KIAA1671: variants seen among roughly 807,000 people sequenced by gnomAD.
KIAA1671 encodes the protein KIAA1671, also known as uncharacterized protein KIAA1671.
In KIAA1671, 52 loss-of-function variants were observed where a neutral mutation model predicts 131.2. That is an observed-to-expected ratio of 0.40 (90% CI 0.32 to 0.50). The LOEUF (loss-of-function observed/expected upper bound fraction) is 0.50. KIAA1671 is among the 20% of genes least tolerant of loss of function. The probability of loss-of-function intolerance (pLI) is 0.73; values close to 1 mark genes in which losing one functional copy is unlikely to be tolerated. For synonymous variants in KIAA1671, 1,003 were observed against 961.6 expected (o/e 1.04, Z -0.80); for missense variants, 2,360 against 2,364.2 (o/e 1.00, Z 0.04).
intron 6 of KIAA1671, among the ~76,000 whole-genome samples, chr22:25,071,605 T>TGAGCCGAGATCCCGCCACTGCACTCC (rs1601283962): frequency 9.2e-5 from 14 of 151,574 alleles, no homozygotes; most frequent in East Asian, 1.9e-4. Flanking sequence ...AAGTCTCCAA[T>TGAGCCGAGATCCCGCCACTGCACTCC]AATCGTATTT....
intron 5 of KIAA1671, among the ~76,000 whole-genome samples, chr22:25,042,318 C>T (rs1926976926): frequency 6.6e-6 from 1 of 152,210 alleles, no homozygotes; most frequent in African/African-American, 2.4e-5. Flanking sequence ...CTGTTGTATC[C>T]TGTTCATTAT....
intron 1 of KIAA1671, among the ~76,000 whole-genome samples, chr22:24,969,940 A>G (rs1364662178): frequency 2.0e-5 from 3 of 152,220 alleles, no homozygotes; most frequent in Admixed American, 1.3e-4. Context: ...GATTTAGACA[A>G]CAGGCTTCAG....
chr22:25,182,023 A>G (rs145970908), intron 10 of KIAA1671, among the ~76,000 whole-genome samples, 200 bp downstream of exon 10: 1,703 of 152,130 alleles, frequency 0.011, 14 homozygotes, highest in Non-Finnish European at 0.015. Context: ...TAAAAAATAG[A>G]AAAAAATTAG....
At chr22:25,018,224 C>T (rs950741659) in intron 1 of KIAA1671, among the ~76,000 whole-genome samples, 5 of 152,090 alleles carry the variant, frequency 3.3e-5, no homozygotes, top group African/African-American at 1.2e-4. Flanking sequence ...TGATTAGGAA[C>T]GTTCCCACCG....
At chr22:25,072,588 A>G (rs1391848618) in intron 6 of KIAA1671, among the ~76,000 whole-genome samples, 4 of 152,084 alleles carry the variant, frequency 2.6e-5, no homozygotes, top group African/African-American at 4.8e-5. Flanking sequence ...CTGCACTTCT[A>G]AACTGGAAAC....
intron 1 of KIAA1671, chr22:25,009,792 C>T (rs9306401): frequency 0.21 from 31,996 of 152,208 alleles, 3,623 homozygotes; most frequent in Middle Eastern, 0.29. Context: ...CTGTGTTAGC[C>T]AGGATGGTCT....
rs996793606 is a variant in KIAA1671 at position 25,197,276 on chromosome 22, C to T, written c.*4875C>T. On this transcript the variant is annotated 3_prime_UTR_variant, in exon 13 of 13. Transcript: ENST00000358431. ...TTACCAGACCTCACAGAGTATTGGA[C>T]GTCTACAAGTGCTTTTATATTTTGT... The T allele has an allele frequency of 3.3e-5, 5 of 152,156 alleles. No homozygotes were observed. The highest frequency in any genetic ancestry group is 6.5e-5 in the Admixed American group (1 of 15,274). 9.4% of individuals were successfully genotyped at this position (152,156 alleles called of 1,614,324 possible). A position where few individuals can be genotyped will look rare whatever the true frequency, so the allele number is the denominator to read the frequency against.
chr22:25,044,490 G>C (rs1203894386), intron 5 of KIAA1671, among the ~76,000 whole-genome samples: 1 of 152,162 alleles, frequency 6.6e-6, no homozygotes, highest in African/African-American at 2.4e-5. Flanking sequence ...CCGCAGCCCA[G>C]CCTTGGATGC....
intron 1 of KIAA1671, among the ~76,000 whole-genome samples, chr22:24,978,406 C>G (rs967530982): frequency 1.3e-5 from 2 of 152,176 alleles, no homozygotes; most frequent in African/African-American, 4.8e-5. Context: ...TCCAATTAAA[C>G]CTCTTTTTCT....
intron 12 of KIAA1671, among the ~76,000 whole-genome samples, chr22:25,191,155 T>C (rs916364033): frequency 2.6e-5 from 4 of 151,154 alleles, no homozygotes; most frequent in African/African-American, 9.7e-5. Flanking sequence ...CTTTTTTTTT[T>C]TTTTTTTTTT....
chr22:25,132,585 G>A (rs1932492838), intron 6 of KIAA1671, among the ~76,000 whole-genome samples: 1 of 152,140 alleles, frequency 6.6e-6, no homozygotes, highest in Non-Finnish European at 1.5e-5. Flanking sequence ...ACCTCTTATG[G>A]GGCTGGTGAG....
chr22:25,071,783 ATG>A (rs1294197690), intron 6 of KIAA1671, among the ~76,000 whole-genome samples: 26 of 151,978 alleles, frequency 1.7e-4, no homozygotes, highest in African/African-American at 6.3e-4. Context: ...CTACGATCTC[ATG>A]TTCATTCAGC....
chr22:25,120,410 C>T (rs1490185780), intron 6 of KIAA1671, among the ~76,000 whole-genome samples: 2 of 152,334 alleles, frequency 1.3e-5, no homozygotes, highest in East Asian at 1.9e-4. Context: ...TGATGTCACC[C>T]AGAGAACAAT....
chr22:24,966,348 T>C (rs145516619), intron 1 of KIAA1671, among the ~76,000 whole-genome samples: 2 of 152,250 alleles, frequency 1.3e-5, no homozygotes, highest in African/African-American at 2.4e-5. Flanking sequence ...AGCGGGTGCA[T>C]TGGGTGCACC....
intron 6 of KIAA1671, among the ~76,000 whole-genome samples, chr22:25,100,477 T>C (rs115133306): frequency 1.9e-3 from 295 of 152,126 alleles, no homozygotes; most frequent in African/African-American, 6.8e-3. Context: ...CTGACACAAA[T>C]GGGGGTATTC....
chr22:25,152,623 C>T (rs556606471), intron 6 of KIAA1671, among the ~76,000 whole-genome samples: 9 of 152,290 alleles, frequency 5.9e-5, no homozygotes, highest in Admixed American at 5.9e-4. Flanking sequence ...ACCAATGCAC[C>T]TGGGTGAGTT....
intron 6 of KIAA1671, among the ~76,000 whole-genome samples, chr22:25,116,560 T>C (rs917112851): frequency 1.3e-5 from 2 of 152,104 alleles, no homozygotes; most frequent in Non-Finnish European, 2.9e-5. Flanking sequence ...TAGCTGGGAC[T>C]GCAGGCGTGT....
chr22:25,033,705 A>G (rs760782632), intron 4 of KIAA1671, among the ~76,000 whole-genome samples: 1 of 148,932 alleles, frequency 6.7e-6, no homozygotes, highest in Non-Finnish European at 1.5e-5. Flanking sequence ...CAGCCTCCCA[A>G]GTAGCTGGGA....
intron 6 of KIAA1671, among the ~76,000 whole-genome samples, chr22:25,121,234 G>T (rs544826342): frequency 1.3e-5 from 2 of 152,024 alleles, no homozygotes; most frequent in African/African-American, 4.8e-5. Context: ...AGGCCGAGGC[G>T]GGCGGATCAC....
Sources: allele counts gnomAD v4.1 joint callset (sites outside exome capture counted in the v4.1 genomes callset), GRCh38; gene constraint gnomAD v4.1.1; transcripts MANE v1.5; gene names NCBI Gene and HGNC (gene_info 2026-07-23, HGNC 2026-07-21).